LPP: variants seen among roughly 807,000 people sequenced by gnomAD.
LPP encodes LIM domain containing preferred translocation partner in lipoma, also known as lipoma-preferred partner.
LPP carries 38 observed loss-of-function variants against 60.4 expected under a neutral mutation model. The ratio of observed to expected loss-of-function variants is 0.63; its 90% CI spans 0.49 to 0.83. The LOEUF (loss-of-function observed/expected upper bound fraction) is 0.83. Among genes scored for constraint, LPP ranks in the 40% least tolerant of loss-of-function variants. The pLI is 0.00. For missense variants in LPP, 902 were observed against 783.6 expected (o/e 1.15, Z -1.80); for synonymous variants, 328 against 290.8 (o/e 1.13, Z -1.30).
intron 2 of LPP, among the ~76,000 whole-genome samples, chr3:188,308,797 G>T (rs1372217005): frequency 1.3e-5 from 2 of 152,156 alleles, no homozygotes; most frequent in African/African-American, 4.8e-5. Flanking sequence ...ATTGCTGGGG[G>T]CTCCAGGGCA....
At chr3:188,442,381 C>T (rs1794225452) in intron 4 of LPP, among the ~76,000 whole-genome samples, 1 of 152,092 alleles carries the variant, frequency 6.6e-6, no homozygotes, top group South Asian at 2.1e-4. Flanking sequence ...GTCAACATAA[C>T]TTTTAAAATC....
chr3:188,466,175 C>G (rs1800323432), intron 4 of LPP, among the ~76,000 whole-genome samples: 1 of 152,038 alleles, frequency 6.6e-6, no homozygotes, highest in Non-Finnish European at 1.5e-5. Flanking sequence ...ATATTAAAGG[C>G]TTCATTTTCA....
At chr3:188,513,016 T>G (rs932533494) in intron 5 of LPP, among the ~76,000 whole-genome samples, 1 of 152,232 alleles carries the variant, frequency 6.6e-6, no homozygotes, top group African/African-American at 2.4e-5. Flanking sequence ...GAAAGTTTTC[T>G]TAATGTAAAA....
intron 9 of LPP, among the ~76,000 whole-genome samples, chr3:188,794,238 G>T (rs887622836): frequency 6.6e-6 from 1 of 152,182 alleles, no homozygotes; most frequent in Non-Finnish European, 1.5e-5. Flanking sequence ...CTCTGCCCTA[G>T]AACAATAAAA....
At chr3:188,243,443 C>T (rs567928526) in intron 2 of LPP, among the ~76,000 whole-genome samples, 2 of 152,128 alleles carry the variant, frequency 1.3e-5, no homozygotes, top group Non-Finnish European at 2.9e-5. Flanking sequence ...AACAAACCTC[C>T]GGGGGCTTGG....
At chr3:188,443,542 A>G (rs1459449866) in intron 4 of LPP, among the ~76,000 whole-genome samples, 2 of 152,224 alleles carry the variant, frequency 1.3e-5, no homozygotes, top group African/African-American at 4.8e-5. Flanking sequence ...GTACTTAACA[A>G]ACATGAAGGA....
Position 188,879,290 on chromosome 3 carries a change from C to T in LPP, c.*4811C>T, listed in dbSNP as rs183733689. The T allele has an allele frequency of 1.9e-4, 44 of 228,330 alleles. No individual in the cohort carries two copies. The highest frequency in any genetic ancestry group is 8.0e-4 in the African/African-American group (36 of 45,232). The allele number at this position is 228,330 out of a possible 1,614,324, so 14.1% of individuals were successfully genotyped here. Reference sequence around the variant, plus strand: ...TTTCTTCCTCTTCCTTCCTCCTCTTCTTATTTTCTTTCCTACTTTCCATCC... The same window carrying T: ...TTTCTTCCTCTTCCTTCCTCCTCTTTTTATTTTCTTTCCTACTTTCCATCC... On this transcript the variant is annotated 3_prime_UTR_variant, in exon 12 of 12. Coordinates refer to ENST00000617246, the MANE Select transcript of LPP (RefSeq NM_001375462.1).
At chr3:188,689,177 G>A (rs554364686) in intron 7 of LPP, among the ~76,000 whole-genome samples, 4 of 152,258 alleles carry the variant, frequency 2.6e-5, no homozygotes, top group South Asian at 2.1e-4. Flanking sequence ...GCCTGGGGTC[G>A]GCCTGGCACC....
intron 6 of LPP, among the ~76,000 whole-genome samples, chr3:188,533,515 C>T (rs1175343495): frequency 6.6e-6 from 1 of 152,152 alleles, no homozygotes; most frequent in Admixed American, 6.5e-5. Context: ...AATTTAGGAG[C>T]TTTTCATGAT....
intron 5 of LPP, among the ~76,000 whole-genome samples, chr3:188,503,505 T>C (rs1427275489): frequency 6.6e-6 from 1 of 152,180 alleles, no homozygotes. Flanking sequence ...GTCTGCCTAT[T>C]TGCCTTTTCT....
intron 2 of LPP, among the ~76,000 whole-genome samples, chr3:188,300,664 T>C (rs901805331): frequency 2.6e-5 from 4 of 152,290 alleles, no homozygotes; most frequent in African/African-American, 9.6e-5. Flanking sequence ...AATAAAACAT[T>C]AGTTACAGAA....
chr3:188,511,956 G>A (rs191617195), intron 5 of LPP, among the ~76,000 whole-genome samples: 8 of 152,282 alleles, frequency 5.3e-5, no homozygotes, highest in African/African-American at 1.7e-4. Flanking sequence ...AAGAAGATCA[G>A]TTGAAATGTA....
chr3:188,753,756 T>C (rs1390877609), intron 8 of LPP, among the ~76,000 whole-genome samples: 3 of 152,242 alleles, frequency 2.0e-5, no homozygotes, highest in South Asian at 2.1e-4. Context: ...CTTTTCTTGT[T>C]GCGAGTGTTT....
chr3:188,254,902 C>T (rs1162859395), intron 2 of LPP, among the ~76,000 whole-genome samples: 1 of 152,152 alleles, frequency 6.6e-6, no homozygotes, highest in East Asian at 1.9e-4. Flanking sequence ...CCATACTTAC[C>T]AGTCACCACA....
intron 5 of LPP, among the ~76,000 whole-genome samples, chr3:188,522,815 ATGTG>A (rs1553920216): frequency 2.2e-5 from 3 of 136,520 alleles, no homozygotes; most frequent in East Asian, 2.1e-4. Flanking sequence ...ATATATATAT[ATGTG>A]TATGTGTGTG....
chr3:188,619,694 A>T (rs1475785739), intron 7 of LPP, among the ~76,000 whole-genome samples: 1 of 152,262 alleles, frequency 6.6e-6, no homozygotes, highest in Non-Finnish European at 1.5e-5. Flanking sequence ...ACAGAAAAAC[A>T]TTGTTGACTG....
intron 4 of LPP, among the ~76,000 whole-genome samples, chr3:188,459,932 G>A (rs1036126232): frequency 1.3e-5 from 2 of 152,076 alleles, no homozygotes; most frequent in Non-Finnish European, 2.9e-5. Context: ...TTATGTTCAT[G>A]TATCTTTTGC....
At chr3:188,348,829 TGGCATGCTGCCAGCATTCTTGG>T (rs917147525) in intron 3 of LPP, among the ~76,000 whole-genome samples, 13 of 151,702 alleles carry the variant, frequency 8.6e-5, no homozygotes, top group African/African-American at 2.9e-4. Context: ...TGACAATGCC[TGGCATGCTGCCAGCATTCTTGG>T]GGCATGCTGT....
At chr3:188,495,690 T>G (rs7633656) in intron 5 of LPP, among the ~76,000 whole-genome samples, 1 of 152,052 alleles carries the variant, frequency 6.6e-6, no homozygotes, top group Non-Finnish European at 1.5e-5. Flanking sequence ...ACAAACCCCT[T>G]GTTGATTGTA....
Sources: gnomAD v4.1 joint callset for allele counts (sites outside exome capture counted in the v4.1 genomes callset) on GRCh38, gnomAD v4.1.1 for gene constraint, MANE v1.5 for transcripts, NCBI Gene and HGNC (gene_info 2026-07-23, HGNC 2026-07-21) for gene names.